The following TXNRD2 variants were observed in gnomAD, a reference collection of about 807,000 sequenced individuals.
TXNRD2 encodes the protein thioredoxin reductase 2, mitochondrial.
Under a neutral mutation model 70.8 loss-of-function variants are expected in TXNRD2, and 67 were observed. The ratio of observed to expected loss-of-function variants is 0.95; its 90% CI spans 0.78 to 1.16. TXNRD2 has a LOEUF of 1.16. Ranked by LOEUF, TXNRD2 falls within the 50% of genes most tolerant of loss-of-function variation. The pLI, the probability that TXNRD2 is intolerant of heterozygous loss-of-function variation, is 0.00. For missense variants in TXNRD2, 644 were observed against 719.9 expected (o/e 0.89, Z 1.21); for synonymous variants, 301 against 295.8 (o/e 1.02, Z -0.18).
At chr22:19,888,071 G>A (rs1229379154) in intron 11 of TXNRD2, 1 of 152,276 alleles carries the variant, frequency 6.6e-6, no homozygotes, top group African/African-American at 2.4e-5. Context: ...CTATGTATAT[G>A]TGTGGCTGGC....
chr22:19,938,717 A>G (rs1211538684), intron 1 of TXNRD2, among the ~76,000 whole-genome samples: 4 of 152,202 alleles, frequency 2.6e-5, no homozygotes, highest in African/African-American at 9.7e-5. Context: ...TGGGGCTGAA[A>G]TTAATATTCC....
Position 19,915,831 on chromosome 22 carries a change from G to C in TXNRD2, c.462C>G (p.Tyr154Ter), listed in dbSNP as rs182857388. 1 of 1,614,014 alleles carries C rather than the reference G, an allele frequency of 6.2e-7. No homozygotes were observed. The highest frequency in any genetic ancestry group is 8.5e-7 in the Non-Finnish European group (1 of 1,180,004). The change falls in exon 6 of 18, where the codon TAC (tyrosine) becomes TAG (stop). Residue 154 changes from tyrosine to a stop codon, truncating the protein, a stop_gained. Coordinates refer to ENST00000400521, the MANE Select transcript of TXNRD2 (RefSeq NM_006440.5). LOFTEE classifies it high-confidence loss of function. Reference protein sequence around the residue: ...RVQLQDRKVKYFNIKASFVDE... With the variant: ...RVQLQDRKVK ...CAACAAAGCTGGCTTTGATGTTAAA[G>C]TACTTGACTTTTCTGAAAGATAAAG... is the stretch of plus-strand genomic sequence containing the variant.
Position 19,895,450 on chromosome 22 carries a change from G to C in TXNRD2, c.906C>G (p.Gly302=). 1 of 1,613,948 alleles carries C rather than the reference G, an allele frequency of 6.2e-7. No homozygotes were observed. The highest frequency in any genetic ancestry group is 8.5e-7 in the Non-Finnish European group (1 of 1,180,002). Residue 302 remains glycine (G), a synonymous_variant, in exon 11 of 18, where the codon GGC becomes GGG. Coordinates refer to ENST00000400521, the MANE Select transcript of TXNRD2 (RefSeq NM_006440.5). ...LQVTWEDSTT[G]KEDTGTFDTV... ...TGTCAAAGGTGCCCGTGTCCTCCTT[G>C]CCGGTGGTGCTGTCCTCCCAGGTGA...
Position 19,877,209 on chromosome 22 carries a change from T to C in TXNRD2, c.1471A>G (p.Met491Val), listed in dbSNP as rs1317064619. The C allele has an allele frequency of 1.2e-6, 2 of 1,611,198 alleles. No homozygotes were observed. Among genetic ancestry groups the C allele is most frequent in the African/African-American group, 2.7e-5 (2 of 74,940 alleles). Residue 491 changes from methionine to valine, a missense_variant, in exon 17 of 18, where the codon ATG becomes GTG. Coordinates refer to ENST00000400521, the MANE Select transcript of TXNRD2 (RefSeq NM_006440.5). ...IKCGASYAQV[M>V]RTVGIHPTCS... ...GTGGGATGGATACCCACGGTCCGCA[T>C]CACCTGCGCATAGGAAGCCCCACAC...
Position 19,915,218 on chromosome 22 carries a change from G to T in TXNRD2, c.587C>A (p.Thr196Lys). The change falls in exon 7 of 18, where the codon ACG (threonine) becomes AAG (lysine). Residue 196 changes from threonine (T) to lysine (K), a missense_variant. Thr to Lys is a moderately conservative substitution (Grantham distance 78, BLOSUM62 -1). This residue lies in a region of TXNRD2 where 566 missense variants were observed against 645.0 expected (regional missense o/e 0.88). Transcript: ENST00000400521. ...CTATGCTCTGGGGACACTCACGTGC[G>T]TGGGGTATCTCGGCCGCCCTCCAGT... Reference protein sequence around the residue: ...IATGGRPRYPTHIEGALEYGI... With the variant: ...IATGGRPRYPKHIEGALEYGI... 1 of 1,613,804 alleles carries T rather than the reference G, an allele frequency of 6.2e-7. No homozygotes were observed. The highest frequency in any genetic ancestry group is 1.3e-5 in the African/African-American group (1 of 75,056).
chr22:19,912,948 G>GT (rs1451771574), intron 7 of TXNRD2, among the ~76,000 whole-genome samples: 1 of 152,214 alleles, frequency 6.6e-6, no homozygotes, highest in Admixed American at 6.5e-5. Context: ...GTCAGAGGTG[G>GT]TGTGGCCTCC....
intron 5 of TXNRD2, among the ~76,000 whole-genome samples, chr22:19,917,107 C>T (rs1401731722): frequency 6.6e-6 from 1 of 152,224 alleles, no homozygotes; most frequent in African/African-American, 2.4e-5. Flanking sequence ...GGGCAATGCT[C>T]ATGGCAGCAC....
chr22:19,933,614 C>T (rs9605030), intron 1 of TXNRD2: 99,770 of 795,366 alleles, frequency 0.13, 7,034 homozygotes, highest in East Asian at 0.27. Context: ...GGAGCCCTCT[C>T]GGGCTGATAA....
At chr22:19,917,084 AC>A (rs1251439152) in intron 5 of TXNRD2, among the ~76,000 whole-genome samples, 1 of 152,208 alleles carries the variant, frequency 6.6e-6, no homozygotes, top group Non-Finnish European at 1.5e-5. Flanking sequence ...GGAAGCTGCC[AC>A]GGGACACAGC....
intron 1 of TXNRD2, among the ~76,000 whole-genome samples, chr22:19,935,712 G>A (rs1373356527): frequency 3.3e-5 from 5 of 152,070 alleles, no homozygotes; most frequent in South Asian, 4.1e-4. Flanking sequence ...TTTCTCAGCC[G>A]GCTGACACTT....
At chr22:19,926,663 C>T (rs916177767) in intron 2 of TXNRD2, among the ~76,000 whole-genome samples, 3 of 151,992 alleles carry the variant, frequency 2.0e-5, no homozygotes, top group African/African-American at 4.8e-5. Flanking sequence ...CACCTGTAAT[C>T]CCAGCTACTC....
chr22:19,885,358 C>T (rs1938978725), intron 11 of TXNRD2, among the ~76,000 whole-genome samples: 1 of 152,260 alleles, frequency 6.6e-6, no homozygotes, highest in Admixed American at 6.5e-5. Context: ...ACCTAAGCAT[C>T]TGGAAGCTGA....
intron 7 of TXNRD2, among the ~76,000 whole-genome samples, chr22:19,914,138 G>A (rs1037592820): frequency 1.3e-5 from 2 of 152,176 alleles, no homozygotes; most frequent in African/African-American, 2.4e-5. Context: ...CACCCCACTG[G>A]AAGGAATGTA....
chr22:19,881,165 A>C (rs1343585584), intron 12 of TXNRD2: 22 of 414,596 alleles, frequency 5.3e-5, no homozygotes, highest in Non-Finnish European at 8.5e-5. Flanking sequence ...TCTGCACGTC[A>C]CAGTCCATAA....
intron 12 of TXNRD2, 116 bp from the exon 13 acceptor site, chr22:19,880,833 T>C (rs1938743229): frequency 1.4e-6 from 1 of 702,656 alleles, no homozygotes; most frequent in African/African-American, 1.8e-5. Context: ...TCCCCAACAC[T>C]GGCACCGAGC....
intron 17 of TXNRD2, 142 bp downstream of exon 17, chr22:19,876,898 G>T: frequency 1.8e-6 from 1 of 550,744 alleles, no homozygotes; most frequent in Non-Finnish European, 2.9e-6. Context: ...CACCGCTGTG[G>T]CCTGGTTACA....
chr22:19,918,789 T>G, intron 4 of TXNRD2, 71 bp downstream of exon 4: 1 of 1,580,182 alleles, frequency 6.3e-7, no homozygotes. Context: ...TCATCGAGGA[T>G]AAGCCTCCTC....
chr22:19,939,151 T>C (rs1392492545), intron 1 of TXNRD2, among the ~76,000 whole-genome samples: 1 of 151,968 alleles, frequency 6.6e-6, no homozygotes, highest in Non-Finnish European at 1.5e-5. Context: ...ATACTGACAA[T>C]AAAAACCACG....
chr22:19,885,475 T>C (rs957480219), intron 11 of TXNRD2, among the ~76,000 whole-genome samples: 1 of 90,930 alleles, frequency 1.1e-5, no homozygotes, highest in Non-Finnish European at 2.9e-5. Flanking sequence ...CTCCAGCCTC[T>C]GTGCTCTGCT....
Sources: allele counts gnomAD v4.1 joint callset (sites outside exome capture counted in the v4.1 genomes callset), GRCh38; gene constraint gnomAD v4.1.1; regional missense constraint gnomAD v4.1.1; transcripts MANE v1.5; gene names NCBI Gene and HGNC (gene_info 2026-07-23, HGNC 2026-07-21).